The following OVCH2 variants were observed in gnomAD, a reference collection of about 807,000 sequenced individuals.
OVCH2 encodes the protein ovochymase-2.
In OVCH2, 88 loss-of-function variants were observed where a neutral mutation model predicts 73.7. That is an observed-to-expected ratio of 1.19 (90% confidence interval 1.01 to 1.43). The LOEUF is 1.43. OVCH2 is among the 40% of genes most tolerant of loss of function. The probability of loss-of-function intolerance (pLI) is 0.00; values close to 1 mark genes in which losing one functional copy is unlikely to be tolerated. For synonymous variants in OVCH2, 265 were observed against 234.5 expected (o/e 1.13, Z -1.19); for missense variants, 706 against 674.5 (o/e 1.05, Z -0.52).
rs200015035 is a variant in OVCH2 at position 7,691,373 on chromosome 11, G to T, written c.1535C>A (p.Thr512Asn). 5.6e-6 allele frequency: 9 copies of T among 1,613,736 alleles called. No homozygotes were observed. Among genetic ancestry groups the T allele is most frequent in the Non-Finnish European group, 6.8e-6 (8 of 1,179,792 alleles). ...GATGCTGGAGGGGCTCAGCACAGGG[G>T]TGGGGACATCATAGCCACACAGCCG... ...IARLCGYDVP[T>N]PVLSPSSIML... The change falls in exon 14 of 16, where the codon ACC (threonine) becomes AAC (asparagine). Residue 512 changes from threonine to asparagine, a missense_variant. Physicochemically the swap from Thr to Asn is moderately conservative, Grantham distance 65 (BLOSUM62 0). Transcript: ENST00000533663.
intron 6 of OVCH2, 52 bp downstream of exon 6, chr11:7,701,272 A>G (rs1324094405): frequency 1.9e-6 from 3 of 1,547,424 alleles, no homozygotes; most frequent in Non-Finnish European, 2.6e-6. Context: ...GAAGAAAACA[A>G]AACCAAGGGA....
the OVCH2 span, among the ~76,000 whole-genome samples, chr11:7,680,829 T>C: frequency 6.6e-6 from 1 of 152,238 alleles, no homozygotes. Context: ...AATAAATGAA[T>C]GATTGTTTTT....
At chr11:7,684,731 A>C (rs1856124987), downstream of OVCH2, among the ~76,000 whole-genome samples, 1 of 152,138 alleles carries the variant, frequency 6.6e-6, no homozygotes, top group African/African-American at 2.4e-5. Context: ...TTTCAGACAT[A>C]TCCAGTGATG....
Position 7,706,406 on chromosome 11 carries a change from T to C in OVCH2, c.-12A>G, listed in dbSNP as rs1856532227. On this transcript the variant is annotated 5_prime_UTR_variant, in exon 1 of 16. An upstream start codon of the reference 5' UTR is lost. Coordinates refer to ENST00000533663, the MANE Select transcript of OVCH2 (RefSeq NM_198185.7). ...CTGCTTATAAGCATTTTGAGACTCATAGTTTTTCCCTGAAATTTTAGAGAG... is the reference window on the plus strand; with the variant it reads ...CTGCTTATAAGCATTTTGAGACTCACAGTTTTTCCCTGAAATTTTAGAGAG... 7 of 1,559,072 alleles carry C rather than the reference T, an allele frequency of 4.5e-6. No individual in the cohort carries two copies. In the East Asian group the frequency reaches 1.4e-4, roughly 31 times the overall value.
Position 7,695,100 on chromosome 11 carries a change from G to A in OVCH2, c.1371C>T (p.Asn457=), listed in dbSNP as rs59980029. 3.0e-3 allele frequency: 4,684 copies of A among 1,551,274 alleles called. 120 individuals carry two copies. In the African/African-American group the frequency reaches 0.056, roughly 18 times the overall value. The change falls in exon 12 of 16, where the codon AAC becomes AAT. Residue 457 remains asparagine, a synonymous_variant. Coordinates refer to ENST00000533663, the MANE Select transcript of OVCH2 (RefSeq NM_198185.7). Reference sequence around the variant, plus strand: ...TGGAGGCTTGAAAAATCCAGTCACAGTTAGCCTTGTCACTGTAGTTTTCAG... The same window carrying A: ...TGGAGGCTTGAAAAATCCAGTCACAATTAGCCTTGTCACTGTAGTTTTCAG... The part of the protein sequence containing the change: ...NYPENYSDKA[N]CDWIFQASKH...
Position 7,706,407 on chromosome 11 carries a change from A to G in OVCH2, c.-13T>C, listed in dbSNP as rs1288651561. On this transcript the variant is annotated 5_prime_UTR_variant, in exon 1 of 16. Coordinates refer to ENST00000533663, the MANE Select transcript of OVCH2 (RefSeq NM_198185.7). ...TGCTTATAAGCATTTTGAGACTCAT[A>G]GTTTTTCCCTGAAATTTTAGAGAGA... The G allele has an allele frequency of 6.4e-7, 1 of 1,558,118 alleles. No individual in the cohort carries two copies. The highest frequency in any genetic ancestry group is 8.7e-7 in the Non-Finnish European group (1 of 1,150,540).
rs182673677 is a variant in OVCH2 at position 7,689,913 on chromosome 11, A to G, written c.*31+11T>C. 3,152 of 1,456,022 alleles carry G rather than the reference A, an allele frequency of 2.2e-3. 6 individuals carry two copies. The highest frequency in any genetic ancestry group is 2.9e-3 in the Middle Eastern group (17 of 5,830). The allele number at this position is 1,456,022 out of a possible 1,614,324, so 90.2% of individuals were successfully genotyped here. A position where few individuals can be genotyped will look rare whatever the true frequency, so the allele number is the denominator to read the frequency against. On this transcript the variant is annotated intron_variant, in intron 15 of 15. Coordinates refer to ENST00000533663, the MANE Select transcript of OVCH2 (RefSeq NM_198185.7). ...CTCTGTGTGTATCAATTGGTCCCCA[A>G]AACAGCTTACCAGAAACATTGGTTT...
the OVCH2 span, among the ~76,000 whole-genome samples, chr11:7,683,929 G>T: frequency 6.6e-6 from 1 of 151,500 alleles, no homozygotes; most frequent in African/African-American, 2.4e-5. Flanking sequence ...GCAATACCCT[G>T]CTCACCAGCA....
chr11:7,705,048 A>C (rs12796936), intron 1 of OVCH2, among the ~76,000 whole-genome samples: 55,168 of 152,060 alleles, frequency 0.36, 10,661 homozygotes, highest in South Asian at 0.58. Context: ...AAGATGTTTA[A>C]CATCACCTGG....
chr11:7,678,702 G>T, the OVCH2 span, among the ~76,000 whole-genome samples: 13 of 152,296 alleles, frequency 8.5e-5, no homozygotes, highest in Admixed American at 3.3e-4. Flanking sequence ...ACTTAATGCC[G>T]CATGTTCTCA....
intron 4 of OVCH2, 123 bp from the exon 5 acceptor site, chr11:7,701,934 G>A: frequency 1.2e-6 from 1 of 865,696 alleles, no homozygotes. Flanking sequence ...AGCTCTGCCT[G>A]GCACCTCCAG....
chr11:7,695,248 T>C (rs976191341), intron 11 of OVCH2, 60 bp from the exon 12 acceptor site: 3 of 1,485,000 alleles, frequency 2.0e-6, no homozygotes, highest in African/African-American at 2.8e-5. Flanking sequence ...GAATTCTCAC[T>C]GCTCTCCCTC....
chr11:7,695,318 C>G (rs4287332), intron 11 of OVCH2, 130 bp from the exon 12 acceptor site: 1,160,227 of 1,170,932 alleles, frequency 0.99, 575,405 homozygotes, highest in East Asian at 1. Flanking sequence ...CAAGAAAAGA[C>G]GTAGTGCATG....
In OVCH2 at chr11:7,695,563, G is replaced by C. The variant is rs181061521; in HGVS notation, c.1282+7C>G. ...GATAGTATGTGATTAAAAGTAAATG[G>C]TTTTACCAGGAATGTAGTTTGGTTT... On this transcript the variant is annotated splice_region_variant and intron_variant, in intron 11 of 15. Transcript: ENST00000533663. The C allele has an allele frequency of 6.2e-7, 1 of 1,610,132 alleles. No homozygotes were observed. Among genetic ancestry groups the C allele is most frequent in the Non-Finnish European group, 8.5e-7 (1 of 1,177,094 alleles).
chr11:7,693,107 G>C (rs1480659426), intron 12 of OVCH2, among the ~76,000 whole-genome samples: 1 of 152,062 alleles, frequency 6.6e-6, no homozygotes, highest in Non-Finnish European at 1.5e-5. Flanking sequence ...GTGAGCACTA[G>C]CCAATTGAAT....
chr11:7,694,735 C>T (rs1010331193), intron 12 of OVCH2, among the ~76,000 whole-genome samples: 2 of 151,580 alleles, frequency 1.3e-5, no homozygotes, highest in Non-Finnish European at 1.5e-5. Context: ...CTCCAGCCTC[C>T]CGAGTAGCTG....
chr11:7,702,127 G>A, intron 4 of OVCH2, 30 bp downstream of exon 4: 1 of 1,554,736 alleles, frequency 6.4e-7, no homozygotes, highest in South Asian at 1.1e-5. Flanking sequence ...ACATGGGGTA[G>A]ACAATTCAGT....
chr11:7,702,287 G>A lies in OVCH2; in HGVS notation c.333C>T (p.Asp111=). The change falls in exon 4 of 16, where the codon GAC becomes GAT. Residue 111 remains aspartate, a synonymous_variant. Coordinates refer to ENST00000533663, the MANE Select transcript of OVCH2 (RefSeq NM_198185.7). ...GCTCTCCTGGGTCTGTCTGGCTTAA[G>A]TCATACTCTCCAGCAGTAACATTCA... ...STLNVTAGEY[D]LSQTDPGEQT... 6.2e-7 allele frequency: 1 copy of A among 1,610,776 alleles called. No homozygotes were observed.
chr11:7,681,698 G>T, the OVCH2 span, among the ~76,000 whole-genome samples: 1 of 152,002 alleles, frequency 6.6e-6, no homozygotes, highest in Non-Finnish European at 1.5e-5. Flanking sequence ...GGAATTGCTT[G>T]TGAGTTCACA....
Sources: allele counts gnomAD v4.1 joint callset (sites outside exome capture counted in the v4.1 genomes callset), GRCh38; gene constraint gnomAD v4.1.1; transcripts MANE v1.5; gene names NCBI Gene and HGNC (gene_info 2026-07-23, HGNC 2026-07-21).